Variants in C2CD3 observed in about 807,000 individuals in gnomAD.
The protein encoded by C2CD3 is C2 domain containing 3 centriole elongation regulator, also known as C2 domain-containing protein 3.
C2CD3 carries 148 observed loss-of-function variants against 234.0 expected under a neutral mutation model. The ratio of observed to expected loss-of-function variants is 0.63; its 90% CI spans 0.55 to 0.72. The LOEUF is 0.72. C2CD3 is among the 30% of genes least tolerant of loss of function. The pLI, the probability that C2CD3 is intolerant of heterozygous loss-of-function variation, is 0.00. For missense variants in C2CD3, 2,577 were observed against 2,811.5 expected, an observed-to-expected ratio of 0.92 and a Z score of 1.89; for synonymous variants, 1,000 against 1,035.4, an observed-to-expected ratio of 0.97 and a Z score of 0.66.
At chr11:74,035,709 GT>G (rs549044277) in intron 30 of C2CD3, among the ~76,000 whole-genome samples, 298 of 143,480 alleles carry the variant, frequency 2.1e-3, no homozygotes, top group Non-Finnish European at 2.3e-3. Context: ...GGCTTTTGCT[GT>G]TTTTTTTTTT....
intron 32 of C2CD3, among the ~76,000 whole-genome samples, chr11:74,021,000 T>C (rs1372022186): frequency 1.3e-5 from 2 of 152,200 alleles, no homozygotes; most frequent in Non-Finnish European, 2.9e-5. Flanking sequence ...GAAATAATGA[T>C]GGTTGAGACC....
At chr11:74,114,858 C>T (rs1956872359) in intron 9 of C2CD3, among the ~76,000 whole-genome samples, 1 of 152,012 alleles carries the variant, frequency 6.6e-6, no homozygotes. Flanking sequence ...TGGGTCATCA[C>T]ACTTGGCTAA....
Position 74,026,962 on chromosome 11 carries a change from CAA to C in C2CD3, c.6921+1323_6921+1324del, listed in dbSNP as rs34906978. Among the ~76,000 whole-genome samples the C allele has an allele frequency of 5.5e-3, 584 of 105,228 alleles. 4 individuals carry two copies. The highest frequency in any genetic ancestry group is 0.019 in the African/African-American group (552 of 29,294). The allele number at this position is 105,228 out of a possible 152,430, so 69.0% of individuals were successfully genotyped here. On this transcript the variant is annotated intron_variant, in intron 32 of 32. Transcript: ENST00000334126. The stretch of plus-strand genomic sequence containing the variant: ...TTCCAGCTGGCGACAGAATAAGCCT[CAA>C]AAAAAAAAAAAAAAAAAAATTTAGA...
At chr11:74,052,443 T>G (rs115028829) in intron 26 of C2CD3, among the ~76,000 whole-genome samples, 1 of 152,220 alleles carries the variant, frequency 6.6e-6, no homozygotes, top group African/African-American at 2.4e-5. Flanking sequence ...TCGGGCCACA[T>G]AGTTATTATA....
chr11:74,117,086 GAATATATATATA>G (rs1957014017), intron 9 of C2CD3, among the ~76,000 whole-genome samples: 3 of 50,988 alleles, frequency 5.9e-5, no homozygotes, highest in Non-Finnish European at 1.1e-4. Context: ...ATATATATAT[GAATATATATATA>G]TGAATATATA....
At position 74,077,795 on chromosome 11, in the gene C2CD3, A is replaced by G. The variant is rs182881673; in HGVS notation, c.4603+320T>C. Among the ~76,000 whole-genome samples the G allele has an allele frequency of 0.25, 3,391 of 13,530 alleles. 558 individuals carry two copies. Among genetic ancestry groups the G allele is most frequent in the African/African-American group, 0.48 (3,236 of 6,686 alleles). 8.9% of individuals were successfully genotyped at this position (13,530 alleles called of 152,430 possible). A position where few individuals can be genotyped will look rare whatever the true frequency, so the allele number is the denominator to read the frequency against. ...AGTATATATATATATATATATATAT[A>G]TATATATATATATATATATATATAT... On this transcript the variant is annotated intron_variant, in intron 23 of 32. Coordinates refer to ENST00000334126, the MANE Select transcript of C2CD3 (RefSeq NM_001286577.2).
At chr11:74,074,096 A>G (rs1046204044) in intron 24 of C2CD3, among the ~76,000 whole-genome samples, 157 bp downstream of exon 24, 1 of 152,264 alleles carries the variant, frequency 6.6e-6, no homozygotes, top group African/African-American at 2.4e-5. Flanking sequence ...CAACAAGTTC[A>G]GAAAAGCTTT....
rs763065063 is a variant in C2CD3, at chr11:74,139,810, G to A, written c.502C>T (p.Pro168Ser). 1 of 1,611,560 alleles carries A rather than the reference G, an allele frequency of 6.2e-7. No homozygotes were observed. The highest frequency in any genetic ancestry group is 1.1e-5 in the South Asian group (1 of 91,038). Residue 168 changes from proline to serine, a missense_variant, in exon 4 of 33, where the codon CCT (proline) becomes TCT (serine). Coordinates refer to ENST00000334126, the MANE Select transcript of C2CD3 (RefSeq NM_001286577.2). ...GELQVSLALE[P>S]LSETYDSYHP... Reference sequence around the variant, plus strand: ...TAGCTGTCGTAAGTTTCTGACAGAGGTTCCAGGGCAAGTGAGACCTAAGAG... The same window carrying A: ...TAGCTGTCGTAAGTTTCTGACAGAGATTCCAGGGCAAGTGAGACCTAAGAG...
intron 20 of C2CD3, 36 bp from the exon 21 acceptor site, chr11:74,085,922 T>A: frequency 6.4e-7 from 1 of 1,566,960 alleles, no homozygotes; most frequent in East Asian, 2.3e-5. Flanking sequence ...GAAGATACCA[T>A]GGTAACATTA....
intron 13 of C2CD3, among the ~76,000 whole-genome samples, chr11:74,106,009 C>A (rs1956503006): frequency 6.6e-6 from 1 of 152,196 alleles, no homozygotes; most frequent in African/African-American, 2.4e-5. Flanking sequence ...GCTCACTATC[C>A]TCTGGCAACT....
intron 32 of C2CD3, among the ~76,000 whole-genome samples, chr11:74,027,471 T>C (rs1341236801): frequency 6.6e-6 from 1 of 152,192 alleles, no homozygotes; most frequent in Non-Finnish European, 1.5e-5. Flanking sequence ...TAAATTTAAT[T>C]AGTTAATACA....
intron 23 of C2CD3, among the ~76,000 whole-genome samples, chr11:74,077,798 TA>T (rs1359194369): frequency 3.7e-4 from 3 of 8,206 alleles, no homozygotes; most frequent in Non-Finnish European, 7.0e-4. Context: ...TATATATATA[TA>T]TATATATATA....
Position 74,078,723 on chromosome 11 carries a change from G to A in C2CD3, c.4001-6C>T, listed in dbSNP as rs377337082. The A allele has an allele frequency of 3.2e-6, 5 of 1,572,038 alleles. No individual in the cohort carries two copies. Among genetic ancestry groups the A allele is most frequent in the East Asian group, 2.2e-5 (1 of 44,596 alleles). On this transcript the variant is annotated splice_polypyrimidine_tract_variant and splice_region_variant and intron_variant, in intron 22 of 32. Transcript: ENST00000334126. The stretch of plus-strand genomic sequence containing the variant: ...AGGATACCATCCTGTGATCCCTTAC[G>A]GGAGAAAATAAAGATTCTCAATTAT...
intron 26 of C2CD3, among the ~76,000 whole-genome samples, chr11:74,050,464 T>C (rs370363000): frequency 4.6e-5 from 7 of 152,336 alleles, no homozygotes; most frequent in Admixed American, 2.0e-4. Context: ...TTATTCCTCA[T>C]TTCTGACATG....
intron 10 of C2CD3, 108 bp downstream of exon 10, chr11:74,114,276 G>A (rs1956852233): frequency 1.3e-6 from 1 of 741,216 alleles, no homozygotes; most frequent in Non-Finnish European, 2.3e-6. Flanking sequence ...ATTAAATGAT[G>A]CATATGAAAA....
chr11:74,057,489 T>G lies in C2CD3; in HGVS notation c.5007A>C (p.Ala1669=). The change falls in exon 25 of 33, where the codon GCA becomes GCC. Residue 1669 remains alanine (A), a synonymous_variant. Transcript: ENST00000334126. ...ATACAGGAGATGACTCATCGGCTGT[T>G]GCAAAGGATACACAACAACTGGGTA... ...VSIPSCCVSF[A]TADESSPVYT... is the part of the protein sequence containing the mutation. 1 of 1,614,108 alleles carries G rather than the reference T, an allele frequency of 6.2e-7. No individual in the cohort carries two copies. The highest frequency in any genetic ancestry group is 8.5e-7 in the Non-Finnish European group (1 of 1,179,954).
chr11:74,164,787 A>AG (rs1186315812), intron 2 of C2CD3: 1 of 152,226 alleles, frequency 6.6e-6, no homozygotes, highest in African/African-American at 2.4e-5. Flanking sequence ...ATATGAAGAA[A>AG]GTGGCCAGGC....
chr11:74,153,908 T>C (rs1855843021), intron 3 of C2CD3, among the ~76,000 whole-genome samples: 1 of 151,744 alleles, frequency 6.6e-6, no homozygotes, highest in Non-Finnish European at 1.5e-5. Context: ...AGTCTAGAAA[T>C]AGACTCACAT....
rs1956275632 is a variant in C2CD3, at chr11:74,100,562, C to T, written c.2695G>A (p.Val899Met). Residue 899 changes from valine to methionine, a missense_variant, in exon 15 of 33, where the codon GTG (valine) becomes ATG (methionine). Val to Met is a conservative substitution (Grantham distance 21, BLOSUM62 1). Coordinates refer to ENST00000334126, the MANE Select transcript of C2CD3 (RefSeq NM_001286577.2). ...SPGQDKLLGL[V>M]KLPLHQFYMS... ...TAAAACTGGTGGAGGGGAAGTTTCA[C>T]CAGCCCGAGCAGCTTGTCCTGTCCT... is the stretch of plus-strand genomic sequence containing the variant. 1 of 1,612,926 alleles carries T rather than the reference C, an allele frequency of 6.2e-7. No homozygotes were observed. Among genetic ancestry groups the T allele is most frequent in the Non-Finnish European group, 8.5e-7 (1 of 1,179,680 alleles).
Sources: allele counts gnomAD v4.1 joint callset (sites outside exome capture counted in the v4.1 genomes callset), GRCh38; gene constraint gnomAD v4.1.1; transcripts MANE v1.5; gene names NCBI Gene and HGNC (gene_info 2026-07-23, HGNC 2026-07-21).